Variants in COL15A1 observed in about 807,000 individuals in gnomAD.
COL15A1 encodes the protein collagen alpha-1(XV) chain.
COL15A1 carries 111 observed loss-of-function variants against 165.9 expected under a neutral mutation model. That is an observed-to-expected ratio of 0.67 (90% CI 0.57 to 0.78). The LOEUF (loss-of-function observed/expected upper bound fraction) is 0.78. Among genes scored for constraint, COL15A1 ranks in the 30% least tolerant of loss-of-function variants. The pLI, the probability that COL15A1 is intolerant of heterozygous loss-of-function variation, is 0.00. For synonymous variants in COL15A1, 659 were observed against 674.8 expected (o/e 0.98, Z 0.36); for missense variants, 1,745 against 1,789.7 (o/e 0.98, Z 0.45).
At chr9:99,000,197 A>G (rs753935854) in intron 6 of COL15A1, among the ~76,000 whole-genome samples, 11 of 152,192 alleles carry the variant, frequency 7.2e-5, no homozygotes, top group Non-Finnish European at 1.6e-4. Flanking sequence ...GAACAATTAA[A>G]TTAATGCTCA....
intron 2 of COL15A1, among the ~76,000 whole-genome samples, chr9:98,954,752 T>C (rs1258033311): frequency 6.6e-6 from 1 of 152,226 alleles, no homozygotes; most frequent in Non-Finnish European, 1.5e-5. Flanking sequence ...TAATAATTTA[T>C]ACTCCCTGCA....
Position 98,956,174 on chromosome 9 carries a change from T to C in COL15A1, c.100+11924T>C, listed in dbSNP as rs182636765. On this transcript the variant is annotated intron_variant, in intron 2 of 41. Coordinates refer to ENST00000375001, the MANE Select transcript of COL15A1 (RefSeq NM_001855.5). ...TACAAAAATTAGCTGGGCGTGGTGGTGCACGCCTGTGGTCCCAGCTACTTG... is the reference window on the plus strand; with the variant it reads ...TACAAAAATTAGCTGGGCGTGGTGGCGCACGCCTGTGGTCCCAGCTACTTG... 1.3e-4 allele frequency among the ~76,000 whole-genome samples: 20 copies of C among 152,242 alleles called. 1 individual carries two copies. Among genetic ancestry groups the C allele is most frequent in the African/African-American group, 4.8e-4 (20 of 41,550 alleles).
chr9:99,062,551 G>A (rs1161692071), intron 38 of COL15A1, among the ~76,000 whole-genome samples: 3 of 152,186 alleles, frequency 2.0e-5, no homozygotes, highest in African/African-American at 4.8e-5. Flanking sequence ...TGGGCAGAGG[G>A]CTTCCTCTAT....
intron 2 of COL15A1, among the ~76,000 whole-genome samples, chr9:98,964,197 C>T (rs1031610787): frequency 6.6e-6 from 1 of 152,002 alleles, no homozygotes; most frequent in African/African-American, 2.4e-5. Context: ...CCCGAGGTCA[C>T]CTCCCCTCCC....
chr9:99,027,233 G>C (rs1379463481), intron 16 of COL15A1, among the ~76,000 whole-genome samples: 1 of 152,322 alleles, frequency 6.6e-6, no homozygotes, highest in East Asian at 1.9e-4. Context: ...AGGAGGAAGA[G>C]AGATCTCAGC....
intron 5 of COL15A1, among the ~76,000 whole-genome samples, chr9:98,994,343 C>T (rs1291620338): frequency 6.6e-6 from 1 of 152,172 alleles, no homozygotes; most frequent in Non-Finnish European, 1.5e-5. Flanking sequence ...AGACCGAGCA[C>T]TTTCTCCCCT....
At chr9:98,972,076 C>T (rs1320462876) in intron 2 of COL15A1, among the ~76,000 whole-genome samples, 2 of 152,110 alleles carry the variant, frequency 1.3e-5, no homozygotes, top group Non-Finnish European at 2.9e-5. Flanking sequence ...AGGCCCTGTG[C>T]GAAGTAGGGT....
At chr9:99,036,529 A>C (rs1201265982) in intron 21 of COL15A1, 133 bp downstream of exon 21, 22 of 755,412 alleles carry the variant, frequency 2.9e-5, no homozygotes, top group Admixed American at 2.7e-5. Context: ...TAGAACTTCC[A>C]CCTGCCAGCA....
rs1252844308 is a variant in COL15A1, at chr9:99,024,275, TTGTTTTTTTG to T, written c.1855-597_1855-588del. The stretch of plus-strand genomic sequence containing the variant: ...AAGGCTACACCACAAGCAGTTTTTT[TTGTTTTTTTG>T]TTTTTTTTTTTTTGAGATGGAGTCT... On this transcript the variant is annotated intron_variant, in intron 14 of 41. Coordinates refer to ENST00000375001, the MANE Select transcript of COL15A1 (RefSeq NM_001855.5). 5.1e-5 allele frequency among the ~76,000 whole-genome samples: 7 copies of T among 137,614 alleles called. 1 individual carries two copies. Among genetic ancestry groups the T allele is most frequent in the Admixed American group, 2.8e-4 (4 of 14,456 alleles). The allele number at this position is 137,614 out of a possible 152,430, so 90.3% of individuals were successfully genotyped here.
At chr9:99,061,724 C>G (rs1163997867) in intron 36 of COL15A1, among the ~76,000 whole-genome samples, 1 of 152,156 alleles carries the variant, frequency 6.6e-6, no homozygotes, top group Non-Finnish European at 1.5e-5. Context: ...ATAATATTGT[C>G]ATTTTTGTTT....
chr9:99,066,599 GTTTTTTTTTTTTTTTTTT>G (rs67961829), intron 39 of COL15A1, among the ~76,000 whole-genome samples: 1 of 71,082 alleles, frequency 1.4e-5, no homozygotes, highest in African/African-American at 5.2e-5. Flanking sequence ...ATTTTGTTCT[GTTTTTTTTTTTTTTTTTT>G]TTTTTTTCAC....
intron 41 of COL15A1, 43 bp from the exon 42 acceptor site, chr9:99,069,630 G>C (rs1252501988): frequency 1.3e-6 from 2 of 1,586,712 alleles, no homozygotes; most frequent in African/African-American, 1.3e-5. Flanking sequence ...ATACCACAAA[G>C]AAGTGTCATT....
intron 11 of COL15A1, 33 bp from the exon 12 acceptor site, chr9:99,020,356 T>C (rs376526243): frequency 7.0e-6 from 11 of 1,561,970 alleles, no homozygotes; most frequent in African/African-American, 1.4e-5. Flanking sequence ...AAATATGTTG[T>C]GGCCACGTTT....
chr9:99,036,064 T>C, intron 19 of COL15A1, 106 bp from the exon 20 acceptor site: 1 of 958,736 alleles, frequency 1.0e-6, no homozygotes, highest in African/African-American at 1.6e-5. Context: ...TCCCATTGCC[T>C]GGGACAAAAT....
chr9:98,959,561 G>A (rs1203476066), intron 2 of COL15A1, among the ~76,000 whole-genome samples: 1 of 151,910 alleles, frequency 6.6e-6, no homozygotes, highest in Non-Finnish European at 1.5e-5. Context: ...TTGTGCCAGT[G>A]TACTTCAGCC....
intron 30 of COL15A1, among the ~76,000 whole-genome samples, chr9:99,051,658 T>C (rs931191137): frequency 1.3e-5 from 2 of 152,192 alleles, no homozygotes; most frequent in African/African-American, 4.8e-5. Context: ...TCCCATCTTT[T>C]CTTGATGGCC....
chr9:99,056,366 C>T lies in COL15A1; in HGVS notation c.3299C>T (p.Pro1100Leu), dbSNP rs1024407254. 7 of 1,612,908 alleles carry T rather than the reference C, an allele frequency of 4.3e-6. No individual in the cohort carries two copies. The African/African-American group carries it at 8.0e-5, about 18-fold the overall frequency. Residue 1100 changes from proline (P) to leucine (L), a missense_variant, in exon 35 of 42, where the codon CCC (proline) becomes CTC (leucine). Coordinates refer to ENST00000375001, the MANE Select transcript of COL15A1 (RefSeq NM_001855.5). ...CCTGGTGATCCTGGGCCACCGGGGC[C>T]CCCGGGGCCACCAGGACCTCCAGCT... ...GRPGDPGPPG[P>L]PGPPGPPAIL...
intron 5 of COL15A1, among the ~76,000 whole-genome samples, chr9:98,993,524 C>T (rs1405289320): frequency 1.3e-5 from 2 of 152,222 alleles, no homozygotes; most frequent in African/African-American, 4.8e-5. Flanking sequence ...CTGTCTGCAC[C>T]ACAGTTCACG....
chr9:99,049,653 C>T (rs755858480), intron 28 of COL15A1, 37 bp from the exon 29 acceptor site: 2 of 1,611,518 alleles, frequency 1.2e-6, no homozygotes, highest in Non-Finnish European at 1.7e-6. Flanking sequence ...TTCACAACAA[C>T]CTGAACTAAT....
Sources: allele counts gnomAD v4.1 joint callset (sites outside exome capture counted in the v4.1 genomes callset), GRCh38; gene constraint gnomAD v4.1.1; transcripts MANE v1.5; gene names NCBI Gene and HGNC (gene_info 2026-07-23, HGNC 2026-07-21).